Variants in MMP20 observed in about 807,000 individuals in gnomAD.
MMP20 encodes matrix metallopeptidase 20.
Under a neutral mutation model 51.8 loss-of-function variants are expected in MMP20, and 50 were observed. That is an observed-to-expected ratio of 0.97 (90% CI 0.77 to 1.22). The LOEUF (loss-of-function observed/expected upper bound fraction) is 1.22. Among genes scored for constraint, MMP20 ranks in the 50% most tolerant of loss-of-function variants. The pLI, the probability that MMP20 is intolerant of heterozygous loss-of-function variation, is 0.00. For synonymous variants in MMP20, 244 were observed against 216.2 expected (o/e 1.13, Z -1.13); for missense variants, 663 against 601.4 (o/e 1.10, Z -1.07).
At chr11:102,581,275 C>T (rs1251870945) in intron 8 of MMP20, among the ~76,000 whole-genome samples, 1 of 152,186 alleles carries the variant, frequency 6.6e-6, no homozygotes, top group Admixed American at 6.5e-5. Context: ...GAACAATTAA[C>T]TCTGACTTGT....
chr11:102,608,055 G>T (rs1423932880), intron 5 of MMP20: 1 of 152,076 alleles, frequency 6.6e-6, no homozygotes, highest in Non-Finnish European at 1.5e-5. Context: ...CCCATTTCTG[G>T]GCTTCCCACC....
chr11:102,594,699 T>A lies in MMP20; in HGVS notation c.1012A>T (p.Ser338Cys), dbSNP rs1859359105. The A allele has an allele frequency of 6.2e-7, 1 of 1,608,512 alleles. No individual in the cohort carries two copies. Among genetic ancestry groups the A allele is most frequent in the African/African-American group, 1.4e-5 (1 of 72,898 alleles). ...TTGGACATGAGCTGGGGGAAGGAGC[T>A]GGTAATAGTGCTGGGCCGAATTCCT... ...RTGIRPSTIT[S>C]SFPQLMSNVD... The change falls in exon 7 of 10, where the codon AGC becomes TGC. Residue 338 changes from serine to cysteine, a missense_variant. Coordinates refer to ENST00000260228, the MANE Select transcript of MMP20 (RefSeq NM_004771.4).
At chr11:102,584,568 C>T (rs570474690) in intron 8 of MMP20, among the ~76,000 whole-genome samples, 210 of 152,238 alleles carry the variant, frequency 1.4e-3, no homozygotes, top group African/African-American at 4.8e-3. Flanking sequence ...TTCCCATTCC[C>T]TGGGTTGTCT....
chr11:102,579,124 C>T lies in MMP20; in HGVS notation c.1266G>A (p.Arg422=). The change falls in exon 9 of 10, where the codon AGG becomes AGA. Residue 422 remains arginine (R), a synonymous_variant. Transcript: ENST00000260228. Reference sequence around the variant, plus strand: ...TCTTTGGATAGTCTTTTTCCATTTTCCTTTTCCTTTCGTCGTAGCTAGAAA... The same window carrying T: ...TCTTTGGATAGTCTTTTTCCATTTTTCTTTTCCTTTCGTCGTAGCTAGAAA... ...DEYYSYDERK[R]KMEKDYPKNT... 1 of 1,612,690 alleles carries T rather than the reference C, an allele frequency of 6.2e-7. No homozygotes were observed. Among genetic ancestry groups the T allele is most frequent in the Non-Finnish European group, 8.5e-7 (1 of 1,178,886 alleles).
rs192572526 is a variant in MMP20, at chr11:102,589,891, A to G, written c.1247+3548T>C. Among the ~76,000 whole-genome samples, 70 of 152,250 alleles carry G rather than the reference A, an allele frequency of 4.6e-4. 1 individual carries two copies. Among genetic ancestry groups the G allele is most frequent in the African/African-American group, 1.6e-3 (68 of 41,544 alleles). ...ATTTATGGTGACTATAAAATCCTCAAATAAAAACATCTATTTCTAGTATTT... is the reference window on the plus strand; with the variant it reads ...ATTTATGGTGACTATAAAATCCTCAGATAAAAACATCTATTTCTAGTATTT... On this transcript the variant is annotated intron_variant, in intron 8 of 9. Coordinates refer to ENST00000260228, the MANE Select transcript of MMP20 (RefSeq NM_004771.4).
intron 6 of MMP20, among the ~76,000 whole-genome samples, chr11:102,600,712 C>T (rs1859435140): frequency 6.6e-6 from 1 of 152,082 alleles, no homozygotes; most frequent in African/African-American, 2.4e-5. Context: ...GTCTTGAACT[C>T]CTGACCTCCA....
At chr11:102,594,836 A>C in intron 6 of MMP20, 79 bp from the exon 7 acceptor site, 1 of 1,548,498 alleles carries the variant, frequency 6.5e-7, no homozygotes, top group South Asian at 1.2e-5. Flanking sequence ...ACTTTGACTG[A>C]AATGTACTCA....
At chr11:102,616,720 A>G in intron 2 of MMP20, 92 bp downstream of exon 2, 2 of 1,532,764 alleles carry the variant, frequency 1.3e-6, no homozygotes, top group Admixed American at 3.5e-5. Flanking sequence ...CAGGATTTTT[A>G]TACGGATGAG....
At chr11:102,580,569 A>C (rs1297212927) in intron 8 of MMP20, among the ~76,000 whole-genome samples, 4 of 152,274 alleles carry the variant, frequency 2.6e-5, no homozygotes, top group Admixed American at 6.5e-5. Flanking sequence ...GCTGCTTTAC[A>C]GAATGTTTGG....
chr11:102,585,602 C>T (rs969650405), intron 8 of MMP20, among the ~76,000 whole-genome samples: 1 of 152,066 alleles, frequency 6.6e-6, no homozygotes, highest in African/African-American at 2.4e-5. Context: ...TTCATTCGTT[C>T]TTGCTTAATT....
At chr11:102,583,810 A>G (rs1278733681) in intron 8 of MMP20, among the ~76,000 whole-genome samples, 1 of 152,114 alleles carries the variant, frequency 6.6e-6, no homozygotes. Flanking sequence ...CCCCATCTCA[A>G]CCAGACCTAG....
chr11:102,611,623 G>C, intron 3 of MMP20, 132 bp downstream of exon 3: 3 of 1,078,244 alleles, frequency 2.8e-6, no homozygotes. Flanking sequence ...GCTTTGCCAT[G>C]GTCTTGGCCT....
chr11:102,581,256 T>C (rs1158487836), intron 8 of MMP20, among the ~76,000 whole-genome samples: 2 of 152,076 alleles, frequency 1.3e-5, no homozygotes, highest in Non-Finnish European at 2.9e-5. Context: ...TCATTTATTC[T>C]GGCCCCAAGA....
At chr11:102,594,171 T>C (rs1287019554) in intron 7 of MMP20, among the ~76,000 whole-genome samples, 4 of 152,200 alleles carry the variant, frequency 2.6e-5, no homozygotes, top group Non-Finnish European at 4.4e-5. Flanking sequence ...GAGCCAGAGA[T>C]TGGTATATGT....
Position 102,576,905 on chromosome 11 carries a change from C to T in MMP20, c.*421G>A, listed in dbSNP as rs1201385947. ...ATAACAAATGATGGCCAAATGATGG[C>T]CACAAAAGCCATTGCTTGTAAATAA... On this transcript the variant is annotated 3_prime_UTR_variant, in exon 10 of 10. Transcript: ENST00000260228. 5.9e-6 allele frequency: 1 copy of T among 170,592 alleles called. No individual in the cohort carries two copies. Among genetic ancestry groups the T allele is most frequent in the African/African-American group, 2.4e-5 (1 of 41,508 alleles). 10.6% of individuals were successfully genotyped at this position (170,592 alleles called of 1,614,324 possible). A position where few individuals can be genotyped will look rare whatever the true frequency, so the allele number is the denominator to read the frequency against.
chr11:102,594,743 C>T lies in MMP20; in HGVS notation c.968G>A (p.Arg323Gln), dbSNP rs147615125. 4.7e-5 allele frequency: 76 copies of T among 1,603,826 alleles called. No individual in the cohort carries two copies. The highest frequency in any genetic ancestry group is 6.6e-5 in the South Asian group (6 of 90,622). The change falls in exon 7 of 10, where the codon CGG (arginine) becomes CAG (glutamine). Residue 323 changes from arginine to glutamine, a missense_variant. Coordinates refer to ENST00000260228, the MANE Select transcript of MMP20 (RefSeq NM_004771.4). ...AATTCCTGTCCGCAAGTGAACCTGC[C>T]GTCTCCAGAAAATCCTATGGGACAT... ...LLFKDRIFWR[R>Q]QVHLRTGIRP...
intron 2 of MMP20, among the ~76,000 whole-genome samples, chr11:102,612,350 A>G (rs1255904153): frequency 2.0e-5 from 3 of 152,330 alleles, no homozygotes; most frequent in East Asian, 1.9e-4. Context: ...CTGTAGTCCC[A>G]GTTACTTGGG....
intron 2 of MMP20, 147 bp downstream of exon 2, chr11:102,616,665 G>A (rs1859675278): frequency 9.6e-7 from 1 of 1,040,924 alleles, no homozygotes; most frequent in Non-Finnish European, 1.4e-6. Context: ...GTCATTGCCT[G>A]ACGGATGGAT....
In MMP20 at chr11:102,611,174, A is replaced by C. The variant is rs139768905; in HGVS notation, c.523+581T>G. 1.9e-4 allele frequency among the ~76,000 whole-genome samples: 29 copies of C among 152,292 alleles called. No individual in the cohort carries two copies. In the East Asian group the frequency reaches 5.6e-3, roughly 29 times the overall value. On this transcript the variant is annotated intron_variant, in intron 3 of 9. Coordinates refer to ENST00000260228, the MANE Select transcript of MMP20 (RefSeq NM_004771.4). ...AATTAAGATCTGGGCTTGAAATGAC[A>C]AGGACACTAGAAATGTTATCTGAGG...
Sources: gnomAD v4.1 joint callset for allele counts (sites outside exome capture counted in the v4.1 genomes callset) on GRCh38, gnomAD v4.1.1 for gene constraint, MANE v1.5 for transcripts, NCBI Gene and HGNC (gene_info 2026-07-23, HGNC 2026-07-21) for gene names.